Variants in ZBTB20 observed in about 807,000 individuals in gnomAD.
ZBTB20 encodes zinc finger and BTB domain containing 20, also known as zinc finger and BTB domain-containing protein 20.
Under a neutral mutation model 56.9 loss-of-function variants are expected in ZBTB20, and 9 were observed. The observed-to-expected ratio is 0.16, with a 90% CI of 0.10 to 0.28. The LOEUF (loss-of-function observed/expected upper bound fraction) is 0.28. ZBTB20 is among the 10% of genes least tolerant of loss of function. ZBTB20 has a pLI of 1.00. For missense variants in ZBTB20, 655 were observed against 1,003.0 expected (o/e 0.65, Z 4.69); for synonymous variants, 417 against 420.7 (o/e 0.99, Z 0.11).
chr3:115,096,430 C>T (rs1327910754), intron 1 of ZBTB20, among the ~76,000 whole-genome samples: 1 of 152,130 alleles, frequency 6.6e-6, no homozygotes, highest in Non-Finnish European at 1.5e-5. Context: ...TAAAACATGT[C>T]TCCCACCAAA....
At chr3:114,883,806 G>A (rs933493732) in intron 4 of ZBTB20, among the ~76,000 whole-genome samples, 1 of 150,320 alleles carries the variant, frequency 6.7e-6, no homozygotes, top group African/African-American at 2.4e-5. Context: ...GTATTTCTAA[G>A]AAAGCAAGTA....
At chr3:114,560,058 A>G (rs964527429) in intron 6 of ZBTB20, among the ~76,000 whole-genome samples, 13 of 152,174 alleles carry the variant, frequency 8.5e-5, no homozygotes, top group African/African-American at 2.9e-4. Flanking sequence ...GCATTGATGC[A>G]GTGTTGTTTT....
chr3:115,060,600 C>A (rs2081978889), intron 2 of ZBTB20, among the ~76,000 whole-genome samples: 1 of 152,058 alleles, frequency 6.6e-6, no homozygotes, highest in African/African-American at 2.4e-5. Context: ...AAAGATATCC[C>A]ACAGTGGACA....
chr3:114,722,097 G>C (rs973677323), intron 5 of ZBTB20, among the ~76,000 whole-genome samples: 1 of 152,170 alleles, frequency 6.6e-6, no homozygotes, highest in Non-Finnish European at 1.5e-5. Context: ...GTCAACTGGA[G>C]AAGTATTAAT....
At chr3:114,980,920 T>G (rs949216032) in intron 2 of ZBTB20, among the ~76,000 whole-genome samples, 4 of 151,958 alleles carry the variant, frequency 2.6e-5, no homozygotes, top group African/African-American at 4.8e-5. Flanking sequence ...GTTTTTGTTT[T>G]TAGATCATTT....
At chr3:114,681,719 T>C (rs1035032683) in intron 6 of ZBTB20, among the ~76,000 whole-genome samples, 21 of 152,180 alleles carry the variant, frequency 1.4e-4, no homozygotes, top group African/African-American at 5.1e-4. Flanking sequence ...AATCATTTAA[T>C]CCTACAACAA....
intron 7 of ZBTB20, among the ~76,000 whole-genome samples, chr3:114,475,294 C>T (rs2040616669): frequency 1.3e-5 from 2 of 152,012 alleles, no homozygotes; most frequent in East Asian, 1.9e-4. Context: ...CTCAGTTAGC[C>T]CTCCTCTGAG....
chr3:114,433,183 T>G (rs969480708), intron 7 of ZBTB20, among the ~76,000 whole-genome samples: 1 of 152,122 alleles, frequency 6.6e-6, no homozygotes. Context: ...AGAAGCCTGA[T>G]AAAGAGGCCA....
chr3:114,406,123 T>C (rs1427321974), intron 7 of ZBTB20, among the ~76,000 whole-genome samples: 1 of 152,158 alleles, frequency 6.6e-6, no homozygotes, highest in African/African-American at 2.4e-5. Flanking sequence ...CGTTTGGTAC[T>C]GTAAACACTT....
intron 3 of ZBTB20, among the ~76,000 whole-genome samples, chr3:114,962,076 T>C (rs1415752824): frequency 6.6e-6 from 1 of 152,010 alleles, no homozygotes; most frequent in Non-Finnish European, 1.5e-5. Flanking sequence ...AGGGAAAAAT[T>C]AGGGGTTTTA....
At chr3:115,057,844 G>A (rs1041656062) in intron 2 of ZBTB20, among the ~76,000 whole-genome samples, 8 of 151,890 alleles carry the variant, frequency 5.3e-5, no homozygotes, top group African/African-American at 1.5e-4. Context: ...ATATTAGTCC[G>A]TTCTCATGCT....
chr3:114,844,404 C>T (rs1462968997), intron 4 of ZBTB20, among the ~76,000 whole-genome samples: 2 of 125,464 alleles, frequency 1.6e-5, no homozygotes, highest in Admixed American at 8.4e-5. Context: ...ACCTACAGTC[C>T]CAGCTACTGG....
At chr3:114,808,408 C>G (rs772807421) in intron 4 of ZBTB20, among the ~76,000 whole-genome samples, 1 of 151,904 alleles carries the variant, frequency 6.6e-6, no homozygotes, top group African/African-American at 2.4e-5. Context: ...GGTATCACCA[C>G]CAACCCCATA....
At chr3:114,802,157 T>C (rs1225562624) in intron 4 of ZBTB20, among the ~76,000 whole-genome samples, 3 of 151,866 alleles carry the variant, frequency 2.0e-5, no homozygotes, top group Admixed American at 6.6e-5. Flanking sequence ...TGAGGTAATA[T>C]AATTCGCTTT....
At chr3:114,919,106 A>G (rs1194845796) in intron 3 of ZBTB20, among the ~76,000 whole-genome samples, 2 of 152,242 alleles carry the variant, frequency 1.3e-5, no homozygotes, top group African/African-American at 2.4e-5. Context: ...GATAAAAGAC[A>G]AAAAATATCA....
intron 6 of ZBTB20, among the ~76,000 whole-genome samples, chr3:114,599,602 A>G (rs935642124): frequency 2.0e-5 from 3 of 152,054 alleles, no homozygotes; most frequent in Non-Finnish European, 4.4e-5. Context: ...GATAATAATG[A>G]CAATAATAAT....
chr3:114,444,044 AG>A (rs1273015516), intron 7 of ZBTB20, among the ~76,000 whole-genome samples: 20 of 152,188 alleles, frequency 1.3e-4, no homozygotes, highest in African/African-American at 4.6e-4. Context: ...CTAGGAGAAA[AG>A]GAACATGGAT....
chr3:115,107,838 G>T (rs2083767136), intron 1 of ZBTB20, among the ~76,000 whole-genome samples: 2 of 152,188 alleles, frequency 1.3e-5, no homozygotes, highest in Non-Finnish European at 2.9e-5. Context: ...CATGTCCTTT[G>T]CATGGACATA....
chr3:114,424,999 T>C (rs2089523739), intron 7 of ZBTB20, among the ~76,000 whole-genome samples: 1 of 152,184 alleles, frequency 6.6e-6, no homozygotes, highest in Non-Finnish European at 1.5e-5. Flanking sequence ...CCTAGAATTT[T>C]CCCTCCATAT....
Sources: gnomAD v4.1 joint callset for allele counts (sites outside exome capture counted in the v4.1 genomes callset) on GRCh38, gnomAD v4.1.1 for gene constraint, MANE v1.5 for transcripts, NCBI Gene and HGNC (gene_info 2026-07-23, HGNC 2026-07-21) for gene names.